Variants in ADAM8 observed in about 807,000 individuals in gnomAD.
ADAM8 encodes disintegrin and metalloproteinase domain-containing protein 8.
Under a neutral mutation model 102.4 loss-of-function variants are expected in ADAM8, and 104 were observed. The observed-to-expected ratio is 1.02, with a 90% confidence interval of 0.87 to 1.20. The LOEUF is 1.20. ADAM8 is among the 50% of genes most tolerant of loss of function. The pLI is 0.00. For synonymous variants in ADAM8, 517 were observed against 485.2 expected (o/e 1.07, Z -0.86); for missense variants, 1,132 against 1,159.0 (o/e 0.98, Z 0.34).
chr10:133,270,459 C>A lies in ADAM8; in HGVS notation c.1686G>T (p.Gly562=). ...LQCKGGQQPL[G]RAICIVDVCH... is the part of the protein sequence containing the mutation. ...ACACATCCACGATGCAGATGGCACGCCCCAGGGGCTGCTGCCCACCCTTGC... is the reference window on the plus strand; with the variant it reads ...ACACATCCACGATGCAGATGGCACGACCCAGGGGCTGCTGCCCACCCTTGC... The change falls in exon 16 of 23, where the codon GGG becomes GGT. Residue 562 remains glycine, a synonymous_variant. Transcript: ENST00000445355. The A allele has an allele frequency of 1.2e-6, 2 of 1,605,054 alleles. No homozygotes were observed. Among genetic ancestry groups the A allele is most frequent in the Non-Finnish European group, 1.7e-6 (2 of 1,173,758 alleles).
At chr10:133,274,746 A>G (rs1050818576) in intron 2 of ADAM8, 2 of 323,918 alleles carry the variant, frequency 6.2e-6, no homozygotes, top group East Asian at 2.4e-4. Context: ...AGGCCCCTCC[A>G]GCGACAGCTG....
At chr10:133,270,209 C>T (rs2995313) in intron 16 of ADAM8, 151 bp downstream of exon 16, 967,590 of 1,197,336 alleles carry the variant, frequency 0.81, 395,465 homozygotes, top group East Asian at 0.92. Flanking sequence ...TCCCCACCCC[C>T]GGAAACCTTT....
intron 18 of ADAM8, 128 bp from the exon 19 acceptor site, chr10:133,268,990 C>T: frequency 6.8e-7 from 1 of 1,467,758 alleles, no homozygotes; most frequent in Non-Finnish European, 9.0e-7. Flanking sequence ...CAGGGAGGAC[C>T]TGGTACCTTA....
intron 22 of ADAM8, 66 bp downstream of exon 22, chr10:133,263,622 G>GCCCCGTGGGGAGGCCGTGCCACTGTCAA: frequency 2.7e-6 from 4 of 1,462,916 alleles, no homozygotes; most frequent in Non-Finnish European, 2.7e-6. Context: ...GCCACCGTCA[G>GCCCCGTGGGGAGGCCGTGCCACTGTCAA]CCCCGTGGGG....
intron 15 of ADAM8, 48 bp downstream of exon 15, chr10:133,270,688 C>T (rs778105545): frequency 1.4e-5 from 22 of 1,578,550 alleles, no homozygotes; most frequent in East Asian, 1.4e-4. Context: ...GGGCTGACCC[C>T]GCTGTGGGAA....
Position 133,273,311 on chromosome 10 carries a change from G to T in ADAM8, c.516C>A (p.Asp172Glu), listed in dbSNP as rs1846618815. ...GGGGTCCCAGGAGGCTGCCCAGGCT[G>T]TCGTCGCTGACCCCGCAGGTCCCGG... ...QTAGTCGVSD[D>E]SLGSLLGPRT... The change falls in exon 6 of 23, where the codon GAC (aspartate) becomes GAA (glutamate). Residue 172 changes from aspartate to glutamate, a missense_variant. Asp to Glu is a conservative substitution (Grantham distance 45). Transcript: ENST00000445355. 1 of 1,588,064 alleles carries T rather than the reference G, an allele frequency of 6.3e-7. No homozygotes were observed. Among genetic ancestry groups the T allele is most frequent in the East Asian group, 2.3e-5 (1 of 43,502 alleles).
chr10:133,273,705 A>T (rs1368214766), intron 5 of ADAM8, 57 bp downstream of exon 5: 6 of 1,486,884 alleles, frequency 4.0e-6, no homozygotes, highest in Non-Finnish European at 5.5e-6. Flanking sequence ...CCCCCACCAC[A>T]GGCTTAGGCC....
At chr10:133,263,624 C>CCCGTGGGGAGGCCGTGCCACTGTCAGCT in intron 22 of ADAM8, 64 bp downstream of exon 22, 1 of 1,472,094 alleles carries the variant, frequency 6.8e-7, no homozygotes, top group East Asian at 2.6e-5. Flanking sequence ...CACCGTCAGC[C>CCCGTGGGGAGGCCGTGCCACTGTCAGCT]CCGTGGGGAG....
In ADAM8 at chr10:133,273,286, G is replaced by T. The variant is rs769225852; in HGVS notation, c.541C>A (p.Arg181=). The T allele has an allele frequency of 6.3e-7, 1 of 1,598,180 alleles. No homozygotes were observed. The highest frequency in any genetic ancestry group is 8.5e-7 in the Non-Finnish European group (1 of 1,173,884). ...DDSLGSLLGP[R]TAAVFRPRPG... ...CGAGGCCTGAAGACGGCTGCCGTCC[G>T]GGGTCCCAGGAGGCTGCCCAGGCTG... The change falls in exon 6 of 23, where the codon CGG becomes AGG. Residue 181 remains arginine (R), a synonymous_variant. Transcript: ENST00000445355.
chr10:133,263,662 C>A, intron 22 of ADAM8, 26 bp downstream of exon 22: 1 of 411,864 alleles, frequency 2.4e-6, no homozygotes, highest in East Asian at 1.3e-4. Context: ...ACAGTGGACT[C>A]TGCCTGGTGT....
intron 2 of ADAM8, 62 bp downstream of exon 2, chr10:133,275,422 C>T (rs1033353843): frequency 1.5e-5 from 19 of 1,290,254 alleles, no homozygotes; most frequent in Non-Finnish European, 1.9e-5. Context: ...AGCTAAAGCT[C>T]CTTTCACAAA....
chr10:133,269,865 G>T (rs1192410581), intron 17 of ADAM8, 32 bp downstream of exon 17: 1 of 1,609,452 alleles, frequency 6.2e-7, no homozygotes, highest in Non-Finnish European at 8.5e-7. Context: ...CAGCCTCTGT[G>T]CAGGGGCCCT....
chr10:133,263,384 G>A, intron 22 of ADAM8, 151 bp from the exon 23 acceptor site: 1 of 782,468 alleles, frequency 1.3e-6, no homozygotes, highest in Non-Finnish European at 2.0e-6. Flanking sequence ...CACAATGGCA[G>A]GTGTGGCAGT....
rs1226018934 is a variant in ADAM8 at position 133,262,881 on chromosome 10, G to A, written c.*275C>T. ...GAGACCAGCGGCCACCTGGAGACAC[G>A]TACACACACACGCACCCGCAAGCAC... is the stretch of plus-strand genomic sequence containing the variant. On this transcript the variant is annotated 3_prime_UTR_variant, in exon 23 of 23. Transcript: ENST00000445355. The A allele has an allele frequency of 1.6e-5, 9 of 561,884 alleles. No homozygotes were observed. Among genetic ancestry groups the A allele is most frequent in the East Asian group, 9.4e-5 (3 of 32,066 alleles). 34.8% of individuals were successfully genotyped at this position (561,884 alleles called of 1,614,324 possible). A position where few individuals can be genotyped will look rare whatever the true frequency, so the allele number is the denominator to read the frequency against.
intron 17 of ADAM8, 72 bp from the exon 18 acceptor site, chr10:133,269,601 C>G: frequency 7.0e-7 from 1 of 1,421,366 alleles, no homozygotes; most frequent in Non-Finnish European, 9.4e-7. Context: ...GTGCCTCCAG[C>G]ATGAGGGCCC....
rs1242827549 is a variant in ADAM8, at chr10:133,263,355, C to T, written c.2398-122G>A. The T allele has an allele frequency of 5.2e-6, 5 of 958,566 alleles. No individual in the cohort carries two copies. The Admixed American group carries it at 8.4e-5, about 16-fold the overall frequency. The allele number at this position is 958,566 out of a possible 1,614,324, so 59.4% of individuals were successfully genotyped here. A position where few individuals can be genotyped will look rare whatever the true frequency, so the allele number is the denominator to read the frequency against. On this transcript the variant is annotated intron_variant, in intron 22 of 22. Transcript: ENST00000445355. ...AAATGTGGATTCTTGGTTCATCCACCAACAACATGGCCCATGCACACAATG... is the reference window on the plus strand; with the variant it reads ...AAATGTGGATTCTTGGTTCATCCACTAACAACATGGCCCATGCACACAATG...
rs759456201 is a variant in ADAM8 at position 133,268,737 on chromosome 10, A to C, written c.2063+11T>G. ...CTCGCCACCCTCCGTCACAGCCCCC[A>C]CCACCCTCACCTGCTCAGGATGCGG... On this transcript the variant is annotated intron_variant, in intron 19 of 22. Coordinates refer to ENST00000445355, the MANE Select transcript of ADAM8 (RefSeq NM_001109.5). 1 of 1,606,842 alleles carries C rather than the reference A, an allele frequency of 6.2e-7. No homozygotes were observed. Among genetic ancestry groups the C allele is most frequent in the African/African-American group, 1.3e-5 (1 of 74,884 alleles).
At chr10:133,273,697 C>T (rs1846634678) in intron 5 of ADAM8, 65 bp downstream of exon 5, 2 of 1,505,538 alleles carry the variant, frequency 1.3e-6, no homozygotes, top group Admixed American at 2.0e-5. Flanking sequence ...CTTCCCCACC[C>T]CCACCACAGG....
chr10:133,275,402 A>G, intron 2 of ADAM8, 82 bp downstream of exon 2: 2 of 1,108,244 alleles, frequency 1.8e-6, no homozygotes, highest in Non-Finnish European at 2.6e-6. Context: ...GCCTCTCACC[A>G]CTTTCTGTAA....
Sources: gnomAD v4.1 joint callset for allele counts on GRCh38, gnomAD v4.1.1 for gene constraint, MANE v1.5 for transcripts, NCBI Gene and HGNC (gene_info 2026-07-23, HGNC 2026-07-21) for gene names.